MAPK8: variants seen among roughly 807,000 people sequenced by gnomAD.
MAPK8 encodes mitogen-activated protein kinase 8.
MAPK8 carries 13 observed loss-of-function variants against 52.9 expected under a neutral mutation model. The ratio of observed to expected loss-of-function variants is 0.25; its 90% CI spans 0.16 to 0.39. MAPK8 has a LOEUF of 0.39. MAPK8 is among the 10% of genes least tolerant of loss of function. The probability of loss-of-function intolerance (pLI) is 1.00; values close to 1 mark genes in which losing one functional copy is unlikely to be tolerated. For synonymous variants in MAPK8, 191 were observed against 169.8 expected (o/e 1.12, Z -0.97); for missense variants, 300 against 519.2 (o/e 0.58, Z 4.10).
At chr10:48,366,909 C>T (rs1848104428) in intron 1 of MAPK8, among the ~76,000 whole-genome samples, 1 of 152,050 alleles carries the variant, frequency 6.6e-6, no homozygotes, top group Admixed American at 6.5e-5. Flanking sequence ...TAGAATCCTC[C>T]CTGCTACATA....
chr10:48,375,571 C>G (rs1327402338), intron 1 of MAPK8, among the ~76,000 whole-genome samples: 1 of 152,146 alleles, frequency 6.6e-6, no homozygotes, highest in Non-Finnish European at 1.5e-5. Context: ...GCAAAAATCA[C>G]AAACATTCCT....
At chr10:48,378,661 C>T (rs142831455) in intron 1 of MAPK8, among the ~76,000 whole-genome samples, 15 of 152,086 alleles carry the variant, frequency 9.9e-5, no homozygotes, top group African/African-American at 3.4e-4. Flanking sequence ...AATCTAATAA[C>T]AGGTGTGTTA....
chr10:48,355,127 C>G (rs925738587), intron 1 of MAPK8, among the ~76,000 whole-genome samples: 1 of 152,288 alleles, frequency 6.6e-6, no homozygotes, highest in Middle Eastern at 3.4e-3. Flanking sequence ...TTCCAAGATT[C>G]AGAAACTATA....
At chr10:48,425,809 T>C (rs1439303523) in intron 7 of MAPK8, 79 bp from the exon 8 acceptor site, 6 of 941,546 alleles carry the variant, frequency 6.4e-6, no homozygotes, top group Non-Finnish European at 9.1e-6. Flanking sequence ...TTTTTAAATT[T>C]CTATTTTCTT....
chr10:48,415,443 A>G (rs566181320), intron 5 of MAPK8, among the ~76,000 whole-genome samples: 1 of 152,340 alleles, frequency 6.6e-6, no homozygotes, highest in South Asian at 2.1e-4. Flanking sequence ...AAACAAACAC[A>G]AAATTACAAA....
intron 2 of MAPK8, 148 bp downstream of exon 2, chr10:48,401,930 T>G (rs989245922): frequency 3.4e-5 from 20 of 580,750 alleles, no homozygotes; most frequent in Admixed American, 8.0e-5. Context: ...CCACAGTAAA[T>G]TGTTTGCTTC....
intron 1 of MAPK8, among the ~76,000 whole-genome samples, chr10:48,328,631 T>G (rs540773101): frequency 1.1e-4 from 16 of 152,354 alleles, no homozygotes; most frequent in African/African-American, 3.8e-4. Flanking sequence ...TAAACAGATT[T>G]GACACATTGA....
At chr10:48,421,850 T>C (rs1316034782) in intron 6 of MAPK8, among the ~76,000 whole-genome samples, 1 of 152,018 alleles carries the variant, frequency 6.6e-6, no homozygotes, top group African/African-American at 2.4e-5. Context: ...GGTTCCTCTT[T>C]AGTTAAGAAT....
chr10:48,408,435 A>C (rs2042580271), intron 3 of MAPK8, among the ~76,000 whole-genome samples: 1 of 152,234 alleles, frequency 6.6e-6, no homozygotes, highest in Non-Finnish European at 1.5e-5. Flanking sequence ...GATAAATGAC[A>C]AGCATAGGGA....
chr10:48,339,422 T>A (rs1001793229), intron 1 of MAPK8, among the ~76,000 whole-genome samples: 7 of 152,164 alleles, frequency 4.6e-5, no homozygotes, highest in Non-Finnish European at 8.8e-5. Flanking sequence ...TCTCACTATA[T>A]ACAAAAATTA....
At chr10:48,429,284 A>G (rs1195299092) in intron 10 of MAPK8, among the ~76,000 whole-genome samples, 1 of 152,254 alleles carries the variant, frequency 6.6e-6, no homozygotes, top group East Asian at 1.9e-4. Context: ...AGTCAATTTC[A>G]GAGATTAAAC....
chr10:48,371,746 C>A (rs1206582963), intron 1 of MAPK8, among the ~76,000 whole-genome samples: 1 of 152,124 alleles, frequency 6.6e-6, no homozygotes, highest in African/African-American at 2.4e-5. Context: ...TGCCCCCCTA[C>A]TTCAGATGCC....
rs780993770 is a variant in MAPK8 at position 48,401,651 on chromosome 10, G to C, written c.-10G>C. The C allele has an allele frequency of 6.2e-7, 1 of 1,609,582 alleles. No individual in the cohort carries two copies. The highest frequency in any genetic ancestry group is 8.5e-7 in the Non-Finnish European group (1 of 1,178,424). ...TTTGGATGAAGCCATTAAATTAATT[G>C]CTTGCCATCATGAGCAGAAGCAAGC... is the stretch of plus-strand genomic sequence containing the variant. On this transcript the variant is annotated 5_prime_UTR_variant, in exon 2 of 12. Transcript: ENST00000374189.
At chr10:48,391,661 T>C (rs781552003) in intron 1 of MAPK8, among the ~76,000 whole-genome samples, 2 of 152,174 alleles carry the variant, frequency 1.3e-5, no homozygotes, top group Non-Finnish European at 2.9e-5. Context: ...GCCTGCTAAG[T>C]GTCTTCCAAT....
chr10:48,362,434 TC>T (rs1847621089), intron 1 of MAPK8, among the ~76,000 whole-genome samples: 2 of 152,076 alleles, frequency 1.3e-5, no homozygotes, highest in South Asian at 4.1e-4. Flanking sequence ...TTTCTTGGGA[TC>T]AGGGAGTCAT....
chr10:48,380,770 T>C (rs575515826), intron 1 of MAPK8, among the ~76,000 whole-genome samples: 3 of 152,150 alleles, frequency 2.0e-5, no homozygotes, highest in Admixed American at 1.3e-4. Flanking sequence ...TAAACAGATA[T>C]CAAGATAAGA....
At position 48,396,293 on chromosome 10, in the gene MAPK8, G is replaced by C. The variant is rs563922496; in HGVS notation, c.-49-5319G>C. Among the ~76,000 whole-genome samples, 3 of 152,162 alleles carry C rather than the reference G, an allele frequency of 2.0e-5. No individual in the cohort carries two copies. The East Asian group carries it at 5.8e-4, about 29-fold the overall frequency. On this transcript the variant is annotated intron_variant, in intron 1 of 11. Coordinates refer to ENST00000374189, the MANE Select transcript of MAPK8 (RefSeq NM_001323329.2). ...GCAATTAGAAAATGAGTAAAACACTGAACAGACACTTCACCAAAGAGTATA... is the reference window on the plus strand; with the variant it reads ...GCAATTAGAAAATGAGTAAAACACTCAACAGACACTTCACCAAAGAGTATA...
At chr10:48,397,614 A>C (rs1488068753) in intron 1 of MAPK8, among the ~76,000 whole-genome samples, 1 of 152,048 alleles carries the variant, frequency 6.6e-6, no homozygotes, top group Non-Finnish European at 1.5e-5. Flanking sequence ...TTTTTGAGAC[A>C]GAGTCTCATT....
At chr10:48,381,953 G>A (rs2088355414) in intron 1 of MAPK8, among the ~76,000 whole-genome samples, 1 of 152,094 alleles carries the variant, frequency 6.6e-6, no homozygotes, top group Admixed American at 6.6e-5. Context: ...GGGCCTATCT[G>A]AGTCCTGATT....
Sources: allele counts gnomAD v4.1 joint callset (sites outside exome capture counted in the v4.1 genomes callset), GRCh38; gene constraint gnomAD v4.1.1; transcripts MANE v1.5; gene names NCBI Gene and HGNC (gene_info 2026-07-23, HGNC 2026-07-21).